The following MACROD2 variants were observed in gnomAD, a reference collection of about 807,000 sequenced individuals.
The protein encoded by MACROD2 is ADP-ribose glycohydrolase MACROD2.
In MACROD2, 36 loss-of-function variants were observed where a neutral mutation model predicts 70.4. The observed-to-expected ratio is 0.51, with a 90% CI of 0.39 to 0.68. The LOEUF is 0.68. Among genes scored for constraint, MACROD2 ranks in the 30% least tolerant of loss-of-function variants. The pLI, the probability that MACROD2 is intolerant of heterozygous loss-of-function variation, is 0.00. For synonymous variants in MACROD2, 172 were observed against 178.8 expected (o/e 0.96, Z 0.30); for missense variants, 496 against 538.4 (o/e 0.92, Z 0.78).
At chr20:15,058,389 A>G (rs1052735465) in intron 5 of MACROD2, among the ~76,000 whole-genome samples, 4 of 152,076 alleles carry the variant, frequency 2.6e-5, no homozygotes, top group Admixed American at 6.5e-5. Context: ...TTTCTTCTCA[A>G]TAGGGTTGCC....
chr20:15,945,073 T>A (rs2065803277), intron 12 of MACROD2, among the ~76,000 whole-genome samples: 1 of 152,154 alleles, frequency 6.6e-6, no homozygotes. Flanking sequence ...TATTTAGTCT[T>A]TCTACTCCTC....
chr20:14,500,095 T>C (rs2084899854), intron 4 of MACROD2, among the ~76,000 whole-genome samples: 1 of 152,180 alleles, frequency 6.6e-6, no homozygotes, highest in Admixed American at 6.5e-5. Context: ...AAGCAGAAGG[T>C]CATGATCTAT....
chr20:14,398,792 A>C (rs2083606805), intron 3 of MACROD2, among the ~76,000 whole-genome samples: 1 of 152,162 alleles, frequency 6.6e-6, no homozygotes, highest in Non-Finnish European at 1.5e-5. Flanking sequence ...AATAGGAAAA[A>C]CATCTGGTAT....
At chr20:15,239,190 T>G (rs2077039642) in intron 6 of MACROD2, among the ~76,000 whole-genome samples, 1 of 151,158 alleles carries the variant, frequency 6.6e-6, no homozygotes, top group African/African-American at 2.4e-5. Flanking sequence ...TCAGATTTTT[T>G]TTTTTTTTTT....
chr20:14,993,800 A>G (rs893875698), intron 5 of MACROD2, among the ~76,000 whole-genome samples: 6 of 152,258 alleles, frequency 3.9e-5, no homozygotes, highest in Admixed American at 6.5e-5. Context: ...AATCTGAAAG[A>G]GAAGTTGAAT....
chr20:14,543,283 A>G (rs1451626414), intron 4 of MACROD2, among the ~76,000 whole-genome samples: 1 of 152,300 alleles, frequency 6.6e-6, no homozygotes, highest in African/African-American at 2.4e-5. Context: ...CCCAGGCAGG[A>G]CAGAACAGAA....
At chr20:14,766,306 T>G (rs1176122163) in intron 5 of MACROD2, among the ~76,000 whole-genome samples, 1 of 152,112 alleles carries the variant, frequency 6.6e-6, no homozygotes, top group Non-Finnish European at 1.5e-5. Context: ...ATTTATTTAC[T>G]CTGGCATGGT....
intron 3 of MACROD2, among the ~76,000 whole-genome samples, chr20:14,187,051 C>T (rs192885081): frequency 3.7e-4 from 55 of 150,442 alleles, no homozygotes; most frequent in African/African-American, 1.3e-3. Flanking sequence ...TAAGCCTCAG[C>T]AGCGTACAAT....
chr20:15,803,218 T>C (rs1402985576), intron 8 of MACROD2, among the ~76,000 whole-genome samples: 3 of 151,812 alleles, frequency 2.0e-5, no homozygotes, highest in Non-Finnish European at 2.9e-5. Flanking sequence ...CAAAGAAAAA[T>C]ACAGGCCAAT....
intron 6 of MACROD2, among the ~76,000 whole-genome samples, chr20:15,286,453 C>G (rs534432008): frequency 1.3e-5 from 2 of 149,770 alleles, no homozygotes; most frequent in South Asian, 2.1e-4. Context: ...AGGCTCTCTT[C>G]TAAAGTCTGG....
intron 8 of MACROD2, among the ~76,000 whole-genome samples, chr20:15,836,887 A>G (rs2064120059): frequency 1.3e-5 from 2 of 152,220 alleles, no homozygotes; most frequent in Non-Finnish European, 2.9e-5. Context: ...TAGAAAGTCC[A>G]GTTGTGTATT....
chr20:14,155,172 C>CATAT (rs1283545043), intron 3 of MACROD2, among the ~76,000 whole-genome samples: 5 of 152,004 alleles, frequency 3.3e-5, no homozygotes, highest in Admixed American at 1.3e-4. Flanking sequence ...ATATATAACT[C>CATAT]ATATATACAT....
intron 5 of MACROD2, among the ~76,000 whole-genome samples, chr20:15,171,102 A>G (rs775703549): frequency 2.0e-5 from 3 of 152,156 alleles, no homozygotes; most frequent in Non-Finnish European, 2.9e-5. Flanking sequence ...TGGGGGACCT[A>G]GCGTGGAGGA....
intron 5 of MACROD2, among the ~76,000 whole-genome samples, chr20:14,762,418 A>ATG (rs1416390296): frequency 1.3e-5 from 2 of 152,262 alleles, no homozygotes; most frequent in East Asian, 3.9e-4. Flanking sequence ...AATTTATAAG[A>ATG]TGGCAAAAAA....
At chr20:15,139,059 A>C (rs532222718) in intron 5 of MACROD2, among the ~76,000 whole-genome samples, 2 of 152,124 alleles carry the variant, frequency 1.3e-5, no homozygotes, top group Non-Finnish European at 2.9e-5. Context: ...GCAGCTATTA[A>C]ATGGAGGTTT....
At chr20:15,271,625 C>A (rs2077347275) in intron 6 of MACROD2, among the ~76,000 whole-genome samples, 1 of 152,130 alleles carries the variant, frequency 6.6e-6, no homozygotes, top group Non-Finnish European at 1.5e-5. Flanking sequence ...AGTATGGGCT[C>A]AATAAATCTT....
chr20:15,073,857 C>T (rs903647832), intron 5 of MACROD2, among the ~76,000 whole-genome samples: 3 of 152,114 alleles, frequency 2.0e-5, no homozygotes, highest in Admixed American at 6.5e-5. Flanking sequence ...GTTAATGAGA[C>T]ATTTGTCATA....
In MACROD2 at chr20:15,681,085, G is replaced by T. The variant is rs1314092095; in HGVS notation, c.645+181238G>T. On this transcript the variant is annotated intron_variant, in intron 8 of 17. Transcript: ENST00000684519. Reference sequence around the variant, plus strand: ...AAGACGCTCTCAAGTCTTTGGGAATGAAGTGAAAACGTCCACTCCAATCTT... The same window carrying T: ...AAGACGCTCTCAAGTCTTTGGGAATTAAGTGAAAACGTCCACTCCAATCTT... Among the ~76,000 whole-genome samples, 6 of 152,306 alleles carry T rather than the reference G, an allele frequency of 3.9e-5. No individual in the cohort carries two copies. In the East Asian group the frequency reaches 1.2e-3, roughly 29 times the overall value.
At chr20:14,515,662 C>T (rs1207899875) in intron 4 of MACROD2, among the ~76,000 whole-genome samples, 1 of 151,932 alleles carries the variant, frequency 6.6e-6, no homozygotes, top group East Asian at 1.9e-4. Context: ...AAGTCAGTCT[C>T]ACAGAAACAG....
Sources: allele counts gnomAD v4.1 joint callset (sites outside exome capture counted in the v4.1 genomes callset), GRCh38; gene constraint gnomAD v4.1.1; transcripts MANE v1.5; gene names NCBI Gene and HGNC (gene_info 2026-07-23, HGNC 2026-07-21).